The following FAM78B variants were observed in gnomAD, a reference collection of about 807,000 sequenced individuals.
The protein encoded by FAM78B is protein FAM78B.
In FAM78B, 10 loss-of-function variants were observed where a neutral mutation model predicts 20.0. That is an observed-to-expected ratio of 0.50 (90% CI 0.31 to 0.85). FAM78B has a LOEUF of 0.85. Ranked by LOEUF, FAM78B falls within the 40% of genes least tolerant of loss-of-function variation. The probability of loss-of-function intolerance (pLI) is 0.05; values close to 1 mark genes in which losing one functional copy is unlikely to be tolerated. For missense variants in FAM78B, 283 were observed against 345.0 expected (o/e 0.82, Z 1.42); for synonymous variants, 135 against 132.8 (o/e 1.02, Z -0.12).
chr1:166,071,951 C>CAGCAGAGTGTTGATGCAT (rs1328491884), intron 1 of FAM78B, among the ~76,000 whole-genome samples: 2 of 152,192 alleles, frequency 1.3e-5, no homozygotes, highest in Admixed American at 1.3e-4. Flanking sequence ...GAAGTCTAGT[C>CAGCAGAGTGTTGATGCAT]AGCAGAGTGT....
chr1:166,164,660 C>T (rs1299111214), intron 1 of FAM78B: 1 of 152,136 alleles, frequency 6.6e-6, no homozygotes, highest in Non-Finnish European at 1.5e-5. Flanking sequence ...TTTCTTTTAG[C>T]GCCTATGACT....
At chr1:166,091,390 A>AT (rs1653065839) in intron 1 of FAM78B, among the ~76,000 whole-genome samples, 1 of 152,144 alleles carries the variant, frequency 6.6e-6, no homozygotes. Flanking sequence ...TGTTCTCATG[A>AT]TGGTGAATAA....
chr1:166,117,683 C>A (rs188620022), intron 1 of FAM78B, among the ~76,000 whole-genome samples: 7 of 152,270 alleles, frequency 4.6e-5, no homozygotes, highest in Non-Finnish European at 1.0e-4. Flanking sequence ...ATGGAAGGCA[C>A]TGGAGGTCTC....
chr1:166,134,445 C>G (rs1000281860), intron 1 of FAM78B, among the ~76,000 whole-genome samples: 7 of 151,962 alleles, frequency 4.6e-5, no homozygotes, highest in Non-Finnish European at 1.0e-4. Flanking sequence ...TGAGTACCCC[C>G]TAGCTTTTCC....
intron 1 of FAM78B, among the ~76,000 whole-genome samples, chr1:166,152,166 T>A (rs973380): frequency 0.18 from 27,507 of 152,024 alleles, 3,274 homozygotes; most frequent in Non-Finnish European, 0.27. Flanking sequence ...GCTCCTCCCC[T>A]CTCTGGAATC....
At chr1:166,111,308 G>A (rs1028366442) in intron 1 of FAM78B, among the ~76,000 whole-genome samples, 1 of 152,198 alleles carries the variant, frequency 6.6e-6, no homozygotes, top group Non-Finnish European at 1.5e-5. Flanking sequence ...GATAGGAAGG[G>A]TAAGGTTATA....
rs201836647 is a variant in FAM78B, at chr1:166,141,377, T to TATTC, written c.263+24605_263+24608dup. On this transcript the variant is annotated intron_variant, in intron 1 of 1. Transcript: ENST00000354422. ...GTTTTACTCCAGTTATCACGCAAGA[T>TATTC]ATTCCTCTCCCTGAACATCTTTATC... 5.7e-3 allele frequency among the ~76,000 whole-genome samples: 865 copies of TATTC among 152,362 alleles called. 7 individuals are homozygous for TATTC. The highest frequency in any genetic ancestry group is 8.2e-3 in the Admixed American group (126 of 15,306).
intron 1 of FAM78B, among the ~76,000 whole-genome samples, chr1:166,114,716 G>T (rs1399386879): frequency 1.3e-5 from 2 of 152,204 alleles, no homozygotes; most frequent in African/African-American, 2.4e-5. Context: ...GGACACGGGA[G>T]GGGAAGATGA....
intron 1 of FAM78B, among the ~76,000 whole-genome samples, chr1:166,120,017 A>ACTCC (rs1172082670): frequency 6.6e-6 from 1 of 151,986 alleles, no homozygotes; most frequent in Non-Finnish European, 1.5e-5. Flanking sequence ...AATTCAGCCC[A>ACTCC]CTCCCTCCCA....
At chr1:166,146,538 G>A (rs1212545847) in intron 1 of FAM78B, among the ~76,000 whole-genome samples, 1 of 152,072 alleles carries the variant, frequency 6.6e-6, no homozygotes, top group Admixed American at 6.5e-5. Flanking sequence ...AACCTAACTG[G>A]GCTAAAAGCA....
chr1:166,077,650 T>A lies in FAM78B; in HGVS notation c.264-6887A>T, dbSNP rs1045118855. ...ATACATATAATTATATATTTATATA[T>A]AAATTATAATAAATACATATAATTA... is the stretch of plus-strand genomic sequence containing the variant. On this transcript the variant is annotated intron_variant, in intron 1 of 1. Coordinates refer to ENST00000354422, the MANE Select transcript of FAM78B (RefSeq NM_001017961.5). Among the ~76,000 whole-genome samples the A allele has an allele frequency of 3.1e-5, 4 of 127,150 alleles. No homozygotes were observed. The South Asian group carries it at 8.8e-4, about 28-fold the overall frequency. The allele number at this position is 127,150 out of a possible 152,430, so 83.4% of individuals were successfully genotyped here.
intron 1 of FAM78B, among the ~76,000 whole-genome samples, chr1:166,100,616 A>C (rs1653474923): frequency 6.6e-6 from 1 of 152,252 alleles, no homozygotes; most frequent in Non-Finnish European, 1.5e-5. Flanking sequence ...GTCTGAGATC[A>C]AACTGCAAGG....
chr1:166,142,701 C>T (rs1410124219), intron 1 of FAM78B, among the ~76,000 whole-genome samples: 1 of 152,120 alleles, frequency 6.6e-6, no homozygotes, highest in East Asian at 1.9e-4. Context: ...AGTCTCTTAC[C>T]CTTACCACTG....
At chr1:166,144,378 T>A (rs1442767157) in intron 1 of FAM78B, among the ~76,000 whole-genome samples, 2 of 152,148 alleles carry the variant, frequency 1.3e-5, no homozygotes, top group Non-Finnish European at 1.5e-5. Flanking sequence ...CAGATGGCAA[T>A]ACATTTGTAG....
intron 1 of FAM78B, among the ~76,000 whole-genome samples, chr1:166,154,207 T>C (rs1346174553): frequency 6.6e-6 from 1 of 152,192 alleles, no homozygotes; most frequent in East Asian, 1.9e-4. Context: ...TGCCAGGGGC[T>C]AGGAAGATAC....
intron 1 of FAM78B, among the ~76,000 whole-genome samples, chr1:166,100,007 G>A (rs975611179): frequency 6.6e-6 from 1 of 152,128 alleles, no homozygotes; most frequent in African/African-American, 2.4e-5. Flanking sequence ...CCATATGATA[G>A]GCCATAAAAC....
chr1:166,166,116 T>C lies in FAM78B; in HGVS notation c.133A>G (p.Lys45Glu). Residue 45 changes from lysine to glutamate, a missense_variant, in exon 1 of 2, where the codon AAG (lysine) becomes GAG (glutamate). Coordinates refer to ENST00000354422, the MANE Select transcript of FAM78B (RefSeq NM_001017961.5). ...GCGGAGGCTTTGAAGTAGGGGGTCTTGTAGCGCAGGACGATGGGCGAGGTC... is the reference window on the plus strand; with the variant it reads ...GCGGAGGCTTTGAAGTAGGGGGTCTCGTAGCGCAGGACGATGGGCGAGGTC... ...EETSPIVLRY[K>E]TPYFKASARV... 6.2e-7 allele frequency: 1 copy of C among 1,611,762 alleles called. No individual in the cohort carries two copies. Among genetic ancestry groups the C allele is most frequent in the Admixed American group, 1.7e-5 (1 of 59,744 alleles).
chr1:166,105,478 G>T (rs1472964206), intron 1 of FAM78B, among the ~76,000 whole-genome samples: 1 of 152,066 alleles, frequency 6.6e-6, no homozygotes, highest in African/African-American at 2.4e-5. Context: ...CTAATATCCA[G>T]AATCTACAAT....
chr1:166,132,296 C>CCTAA (rs59841142), intron 1 of FAM78B, among the ~76,000 whole-genome samples: 27,653 of 152,018 alleles, frequency 0.18, 3,334 homozygotes, highest in East Asian at 0.48. Context: ...TCCCCTCTCC[C>CCTAA]CTAACCCTCG....
Sources: gnomAD v4.1 joint callset for allele counts (sites outside exome capture counted in the v4.1 genomes callset) on GRCh38, gnomAD v4.1.1 for gene constraint, MANE v1.5 for transcripts, NCBI Gene and HGNC (gene_info 2026-07-23, HGNC 2026-07-21) for gene names.